The following SPIRE1 variants were observed in gnomAD, a reference collection of about 807,000 sequenced individuals.
The protein encoded by SPIRE1 is spire type actin nucleation factor 1.
A neutral mutation model predicts 94.1 loss-of-function variants in SPIRE1; 40 were observed. The ratio of observed to expected loss-of-function variants is 0.43; its 90% CI spans 0.33 to 0.55. The LOEUF is 0.55. SPIRE1 is among the 20% of genes least tolerant of loss of function. The pLI is 0.06. For synonymous variants in SPIRE1, 376 were observed against 371.7 expected, an observed-to-expected ratio of 1.01 and a Z score of -0.13; for missense variants, 838 against 975.2, an observed-to-expected ratio of 0.86 and a Z score of 1.87.
chr18:12,617,680 G>A (rs2037351031), intron 2 of SPIRE1, among the ~76,000 whole-genome samples: 1 of 152,114 alleles, frequency 6.6e-6, no homozygotes, highest in Non-Finnish European at 1.5e-5. Flanking sequence ...AAAGTGCTAG[G>A]ATTACAGGCG....
At chr18:12,552,157 TTAC>T (rs573474676) in intron 2 of SPIRE1, among the ~76,000 whole-genome samples, 88 of 152,332 alleles carry the variant, frequency 5.8e-4, no homozygotes, top group Non-Finnish European at 1.2e-3. Flanking sequence ...CTGGCAAGCC[TTAC>T]CACTGCGTGC....
At chr18:12,653,806 C>T (rs1478369794) in intron 1 of SPIRE1, among the ~76,000 whole-genome samples, 1 of 151,766 alleles carries the variant, frequency 6.6e-6, no homozygotes, top group Non-Finnish European at 1.5e-5. Flanking sequence ...ATTAGCCAGG[C>T]GTGGTAGTGC....
intron 9 of SPIRE1, among the ~76,000 whole-genome samples, chr18:12,481,876 G>A (rs138358121): frequency 2.6e-5 from 4 of 152,262 alleles, no homozygotes; most frequent in African/African-American, 9.6e-5. Flanking sequence ...TAGAATTGTT[G>A]ACATTTTGTG....
intron 4 of SPIRE1, among the ~76,000 whole-genome samples, chr18:12,514,216 CA>C: frequency 6.6e-6 from 1 of 152,288 alleles, no homozygotes; most frequent in East Asian, 1.9e-4. Context: ...GAATGCTTTA[CA>C]TCTCAAATAT....
intron 2 of SPIRE1, among the ~76,000 whole-genome samples, chr18:12,620,674 A>C (rs547963818): frequency 3.5e-4 from 53 of 152,294 alleles, no homozygotes; most frequent in Admixed American, 2.1e-3. Context: ...CAAAGACCTA[A>C]ATATAAGAAC....
In SPIRE1 at chr18:12,547,817, C is replaced by T. The variant is rs548302193; in HGVS notation, c.373-913G>A. Reference sequence around the variant, plus strand: ...ATGAGCTGGGCGTGGTGGCGTGTGCCGGTAATCCCAGTTTCTTGGAAGGCT... The same window carrying T: ...ATGAGCTGGGCGTGGTGGCGTGTGCTGGTAATCCCAGTTTCTTGGAAGGCT... On this transcript the variant is annotated intron_variant, in intron 2 of 16. Transcript: ENST00000409402. Among the ~76,000 whole-genome samples the T allele has an allele frequency of 9.2e-5, 14 of 152,298 alleles. No homozygotes were observed. The East Asian group carries it at 1.7e-3, about 19-fold the overall frequency.
chr18:12,637,511 T>C (rs895310494), intron 1 of SPIRE1, among the ~76,000 whole-genome samples: 3 of 152,162 alleles, frequency 2.0e-5, no homozygotes, highest in Admixed American at 6.6e-5. Context: ...ATTGCAGCAA[T>C]GAGCACATGA....
intron 2 of SPIRE1, among the ~76,000 whole-genome samples, chr18:12,583,947 A>G (rs569391304): frequency 6.6e-6 from 1 of 152,254 alleles, no homozygotes; most frequent in African/African-American, 2.4e-5. Flanking sequence ...AAACAAACAA[A>G]AAAAACAAAA....
chr18:12,496,092 T>C lies in SPIRE1; in HGVS notation c.983A>G (p.Asp328Gly), dbSNP rs1448232773. 5 of 1,612,252 alleles carry C rather than the reference T, an allele frequency of 3.1e-6. No individual in the cohort carries two copies. Among genetic ancestry groups the C allele is most frequent in the Non-Finnish European group, 4.2e-6 (5 of 1,178,466 alleles). ...ACTCTTTTTTAACCGAGGGGGAATATCACCATTCACCTAAAAGGAGACAAA... is the reference window on the plus strand; with the variant it reads ...ACTCTTTTTTAACCGAGGGGGAATACCACCATTCACCTAAAAGGAGACAAA... The part of the protein sequence containing the change: ...YTLRKVMVNG[D>G]IPPRLKKSAH... Residue 328 changes from aspartate (D) to glycine (G), a missense_variant, in exon 7 of 17, where the codon GAT becomes GGT. Coordinates refer to ENST00000409402, the MANE Select transcript of SPIRE1 (RefSeq NM_001128626.2).
intron 2 of SPIRE1, among the ~76,000 whole-genome samples, chr18:12,556,657 ATCTGGAGTTGTTCATTCCTCCCC>A (rs908760122): frequency 2.0e-5 from 3 of 152,088 alleles, no homozygotes; most frequent in Non-Finnish European, 4.4e-5. Context: ...GGCCCAGGGC[ATCTGGAGTTGTTCATTCCTCCCC>A]TCTGGAGTTG....
At chr18:12,620,609 AG>A (rs1462213490) in intron 2 of SPIRE1, among the ~76,000 whole-genome samples, 1 of 152,234 alleles carries the variant, frequency 6.6e-6, no homozygotes, top group East Asian at 1.9e-4. Context: ...CACACATAAA[AG>A]TATGAAGTTA....
intron 2 of SPIRE1, among the ~76,000 whole-genome samples, chr18:12,573,641 A>G (rs2036015086): frequency 6.6e-6 from 1 of 152,266 alleles, no homozygotes; most frequent in African/African-American, 2.4e-5. Context: ...AGCTATCTAT[A>G]TAACAGTAAT....
At position 12,654,889 on chromosome 18, in the gene SPIRE1, G is replaced by A. The variant is rs188660348; in HGVS notation, c.337+2641C>T. On this transcript the variant is annotated intron_variant, in intron 1 of 16. Transcript: ENST00000409402. ...CCAAAAATACAAAAATTAGCTGGGC[G>A]TGGTGGCATGCGCCTATAGTCCCAG... 1.5e-4 allele frequency among the ~76,000 whole-genome samples: 22 copies of A among 151,674 alleles called. No individual in the cohort carries two copies. In the East Asian group the frequency reaches 3.3e-3, roughly 23 times the overall value.
intron 2 of SPIRE1, among the ~76,000 whole-genome samples, chr18:12,612,346 C>T (rs12604184): frequency 0.56 from 85,045 of 151,932 alleles, 24,977 homozygotes; most frequent in Middle Eastern, 0.76. Context: ...CGCTTTGTGG[C>T]CACGCCTTCT....
chr18:12,451,661 T>C (rs1184738872), intron 16 of SPIRE1, among the ~76,000 whole-genome samples: 3 of 152,184 alleles, frequency 2.0e-5, no homozygotes, highest in Non-Finnish European at 4.4e-5. Context: ...GGTTGGTAGA[T>C]CAAAGCCCAG....
At chr18:12,539,617 T>G (rs1355339064) in intron 3 of SPIRE1, among the ~76,000 whole-genome samples, 3 of 143,118 alleles carry the variant, frequency 2.1e-5, no homozygotes, top group Non-Finnish European at 4.6e-5. Flanking sequence ...ACACACACGT[T>G]GGGAATAACA....
In SPIRE1 at chr18:12,598,589, C is replaced by T. The variant is rs1403442767; in HGVS notation, c.372+36473G>A. On this transcript the variant is annotated intron_variant, in intron 2 of 16. Transcript: ENST00000409402. The stretch of plus-strand genomic sequence containing the variant: ...TATTCTCGAGACTTTTCTAACAGGT[C>T]CTTACCTTTGATATCACTTAAAACT... Among the ~76,000 whole-genome samples the T allele has an allele frequency of 3.9e-5, 6 of 152,166 alleles. No homozygotes were observed. In the East Asian group the frequency reaches 1.2e-3, roughly 29 times the overall value.
At chr18:12,458,512 G>A (rs1017046650) in intron 12 of SPIRE1, among the ~76,000 whole-genome samples, 1 of 152,038 alleles carries the variant, frequency 6.6e-6, no homozygotes, top group Non-Finnish European at 1.5e-5. Flanking sequence ...TACTCGGGAG[G>A]CTAAGGCAGG....
At chr18:12,522,053 C>T (rs1235254642) in intron 4 of SPIRE1, among the ~76,000 whole-genome samples, 1 of 152,156 alleles carries the variant, frequency 6.6e-6, no homozygotes. Flanking sequence ...AAGTCTCTCA[C>T]TTTAAATCAA....
Sources: gnomAD v4.1 joint callset for allele counts (sites outside exome capture counted in the v4.1 genomes callset) on GRCh38, gnomAD v4.1.1 for gene constraint, MANE v1.5 for transcripts, NCBI Gene and HGNC (gene_info 2026-07-23, HGNC 2026-07-21) for gene names.